The following TNPO1 variants were observed in gnomAD, a reference collection of about 807,000 sequenced individuals.
TNPO1 encodes transportin 1, also known as transportin-1.
A neutral mutation model predicts 119.5 loss-of-function variants in TNPO1; 8 were observed. That is an observed-to-expected ratio of 0.07 (90% CI 0.04 to 0.12). TNPO1 has a LOEUF of 0.12. Among genes scored for constraint, TNPO1 ranks in the 10% least tolerant of loss-of-function variants. TNPO1 has a pLI of 1.00. For missense variants in TNPO1, 576 were observed against 1,089.8 expected (o/e 0.53, Z 6.64); for synonymous variants, 362 against 363.0 (o/e 1.00, Z 0.03).
At position 72,893,384 on chromosome 5, in the gene TNPO1, A is replaced by G. The variant is rs762845197; in HGVS notation, c.1904A>G (p.Asn635Ser). ...CATTGTGTCTAATTTCAGCTAAACA[A>G]TGCTCAACCAGATCAATATGAAGCT... is the stretch of plus-strand genomic sequence containing the variant. ...QKTLAQAMLN[N>S]AQPDQYEAPD... The change falls in exon 17 of 25, where the codon AAT (asparagine) becomes AGT (serine). Residue 635 changes from asparagine (N) to serine (S), a missense_variant. Asn to Ser is a conservative substitution (Grantham distance 46, BLOSUM62 1). This residue lies in a region of TNPO1 where 21 missense variants were observed against 23.9 expected (regional missense o/e 0.88). Transcript: ENST00000337273. 1.7e-5 allele frequency: 28 copies of G among 1,612,578 alleles called. No homozygotes were observed. Among genetic ancestry groups the G allele is most frequent in the Middle Eastern group, 1.7e-4 (1 of 6,060 alleles).
intron 1 of TNPO1, among the ~76,000 whole-genome samples, chr5:72,846,254 C>G (rs933126132): frequency 6.6e-6 from 1 of 152,114 alleles, no homozygotes; most frequent in Non-Finnish European, 1.5e-5. Flanking sequence ...AAAGTAGAAG[C>G]AATCTGGAAG....
intron 1 of TNPO1, among the ~76,000 whole-genome samples, chr5:72,838,301 G>C (rs1480037208): frequency 6.6e-6 from 1 of 152,120 alleles, no homozygotes; most frequent in Non-Finnish European, 1.5e-5. Context: ...AACTTCAGGA[G>C]CAATCGAACG....
intron 1 of TNPO1, among the ~76,000 whole-genome samples, chr5:72,827,946 A>G (rs1744280041): frequency 6.6e-6 from 1 of 152,030 alleles, no homozygotes. Context: ...TTTTCTTTCA[A>G]CCAGCAAAGT....
rs754187637 is a variant in TNPO1 at position 72,848,492 on chromosome 5, G to C, written c.123G>C (p.Val41=). The C allele has an allele frequency of 3.8e-6, 6 of 1,589,676 alleles. No individual in the cohort carries two copies. In the African/African-American group the frequency reaches 4.1e-5, roughly 11 times the overall value. Residue 41 remains valine, a synonymous_variant, in exon 2 of 25, where the codon GTG becomes GTC. Coordinates refer to ENST00000337273, the MANE Select transcript of TNPO1 (RefSeq NM_002270.4). ...QSPDTTIQRT[V]QQKLEQLNQY... is the part of the protein sequence containing the mutation. The stretch of plus-strand genomic sequence containing the variant: ...CAGACACCACCATCCAGAGAACCGT[G>C]CAACAAGTATCCTTTCCGAGGCCTG...
intron 3 of TNPO1, among the ~76,000 whole-genome samples, chr5:72,853,005 T>A (rs930077463): frequency 2.6e-5 from 4 of 152,244 alleles, no homozygotes; most frequent in Admixed American, 2.0e-4. Flanking sequence ...TTGAAATTTT[T>A]AAATTTATTT....
intron 21 of TNPO1, among the ~76,000 whole-genome samples, chr5:72,900,360 A>G (rs1044826921): frequency 2.6e-5 from 4 of 152,232 alleles, no homozygotes; most frequent in Non-Finnish European, 5.9e-5. Context: ...AAGCATTTAA[A>G]TATCCACCAG....
chr5:72,818,570 T>TC (rs1743802760), intron 1 of TNPO1, among the ~76,000 whole-genome samples: 1 of 152,292 alleles, frequency 6.6e-6, no homozygotes, highest in Non-Finnish European at 1.5e-5. Context: ...TAAAGTGACG[T>TC]CAAACCAAGT....
At chr5:72,839,526 G>T (rs1196835087) in intron 1 of TNPO1, among the ~76,000 whole-genome samples, 2 of 152,036 alleles carry the variant, frequency 1.3e-5, no homozygotes, top group Admixed American at 6.6e-5. Context: ...AATAAACATT[G>T]TACTTACTAG....
intron 23 of TNPO1, among the ~76,000 whole-genome samples, chr5:72,904,345 A>G (rs1034959862): frequency 5.3e-5 from 8 of 152,230 alleles, no homozygotes; most frequent in African/African-American, 1.9e-4. Context: ...TCTCTACTTT[A>G]TCTTTTCGTT....
chr5:72,891,920 A>T, intron 15 of TNPO1, 24 bp downstream of exon 15: 1 of 1,568,468 alleles, frequency 6.4e-7, no homozygotes, highest in Non-Finnish European at 8.7e-7. Flanking sequence ...GTAATATTTA[A>T]TCTGTTGCCA....
Position 72,908,889 on chromosome 5 carries a change from A to G in TNPO1, c.*216A>G. 1 of 453,298 alleles carries G rather than the reference A, an allele frequency of 2.2e-6. No individual in the cohort carries two copies. Among genetic ancestry groups the G allele is most frequent in the African/African-American group, 2.0e-5 (1 of 49,754 alleles). 28.1% of individuals were successfully genotyped at this position (453,298 alleles called of 1,614,324 possible). A position where few individuals can be genotyped will look rare whatever the true frequency, so the allele number is the denominator to read the frequency against. ...TGTTGGGAAACGTTTTAACATCTGG[A>G]GCCTTTGTGGGTGGAAATATGTCTC... is the stretch of plus-strand genomic sequence containing the variant. On this transcript the variant is annotated 3_prime_UTR_variant, in exon 25 of 25. Coordinates refer to ENST00000337273, the MANE Select transcript of TNPO1 (RefSeq NM_002270.4).
intron 22 of TNPO1, among the ~76,000 whole-genome samples, chr5:72,902,094 T>C (rs1049259441): frequency 1.3e-5 from 2 of 151,282 alleles, no homozygotes; most frequent in African/African-American, 4.9e-5. Flanking sequence ...AAAAATGTAG[T>C]TGAGGGAGGG....
chr5:72,844,470 A>T (rs1745041851), intron 1 of TNPO1, among the ~76,000 whole-genome samples: 1 of 152,204 alleles, frequency 6.6e-6, no homozygotes, highest in Admixed American at 6.5e-5. Flanking sequence ...AAGATGATGG[A>T]GCATAAAGTT....
At chr5:72,824,146 A>C (rs1744104791) in intron 1 of TNPO1, among the ~76,000 whole-genome samples, 1 of 152,132 alleles carries the variant, frequency 6.6e-6, no homozygotes, top group Non-Finnish European at 1.5e-5. Context: ...CTGCCTTTGT[A>C]CTAGGCCCCA....
intron 10 of TNPO1, 122 bp downstream of exon 10, chr5:72,882,649 C>A: frequency 1.5e-6 from 1 of 645,300 alleles, no homozygotes; most frequent in Non-Finnish European, 2.7e-6. Context: ...TCCTATTATC[C>A]ATAATAGGAT....
chr5:72,870,156 T>A (rs960855032), intron 6 of TNPO1, among the ~76,000 whole-genome samples: 1 of 112,956 alleles, frequency 8.9e-6, no homozygotes, highest in African/African-American at 3.2e-5. Flanking sequence ...CAATACTAAT[T>A]GCTTTTTTTT....
At chr5:72,828,253 A>G (rs754486363) in intron 1 of TNPO1, among the ~76,000 whole-genome samples, 6 of 152,166 alleles carry the variant, frequency 3.9e-5, no homozygotes, top group Non-Finnish European at 8.8e-5. Flanking sequence ...CACCATGGAA[A>G]TCTCTCAGTG....
chr5:72,897,689 A>C (rs910155462), intron 20 of TNPO1, among the ~76,000 whole-genome samples: 1 of 147,390 alleles, frequency 6.8e-6, no homozygotes, highest in Non-Finnish European at 1.5e-5. Flanking sequence ...GAGCATGTTT[A>C]TATTAAAGAG....
At chr5:72,850,107 C>G (rs1745432566) in intron 2 of TNPO1, among the ~76,000 whole-genome samples, 1 of 152,100 alleles carries the variant, frequency 6.6e-6, no homozygotes, top group East Asian at 1.9e-4. Context: ...ATACATACTG[C>G]TGTTTCAGAG....
Sources: allele counts gnomAD v4.1 joint callset (sites outside exome capture counted in the v4.1 genomes callset), GRCh38; gene constraint gnomAD v4.1.1; regional missense constraint gnomAD v4.1.1; transcripts MANE v1.5; gene names NCBI Gene and HGNC (gene_info 2026-07-23, HGNC 2026-07-21).